Variants in XIRP2 observed in about 807,000 individuals in gnomAD.
The protein encoded by XIRP2 is xin actin-binding repeat-containing protein 2.
A neutral mutation model predicts 277.0 loss-of-function variants in XIRP2; 236 were observed. The ratio of observed to expected loss-of-function variants is 0.85; its 90% CI spans 0.77 to 0.95. XIRP2 has a LOEUF of 0.95. Ranked by LOEUF, XIRP2 falls within the 40% of genes least tolerant of loss-of-function variation. The probability of loss-of-function intolerance (pLI) is 0.00; values close to 1 mark genes in which losing one functional copy is unlikely to be tolerated. For synonymous variants in XIRP2, 1,490 were observed against 1,416.5 expected, an observed-to-expected ratio of 1.05 and a Z score of -1.17; for missense variants, 4,640 against 4,157.5, an observed-to-expected ratio of 1.12 and a Z score of -3.19.
chr2:167,257,399 C>G (rs1266024696), intron 10 of XIRP2, among the ~76,000 whole-genome samples: 1 of 151,948 alleles, frequency 6.6e-6, no homozygotes, highest in Non-Finnish European at 1.5e-5. Flanking sequence ...TTTTAAATCA[C>G]TCAATTTGTT....
Position 167,239,862 on chromosome 2 carries a change from T to C in XIRP2, c.866T>C (p.Ile289Thr), listed in dbSNP as rs779591981. ...QHQNRSEQEA[I>T]HSSQVGTSRS... The stretch of plus-strand genomic sequence containing the variant: ...CTGTCTGTGTGCTTTCAGGAGGCAA[T>C]TCATAGCAGCCAGGTTGGCACTTCA... Residue 289 changes from isoleucine to threonine, a missense_variant, in exon 6 of 11, where the codon ATT becomes ACT. Physicochemically the swap from Ile to Thr is moderately conservative, Grantham distance 89. Coordinates refer to ENST00000409195, the MANE Select transcript of XIRP2 (RefSeq NM_152381.6). 2.5e-6 allele frequency: 4 copies of C among 1,607,702 alleles called. No individual in the cohort carries two copies. Among genetic ancestry groups the C allele is most frequent in the Admixed American group, 3.4e-5 (2 of 58,688 alleles).
rs750028162 is a variant in XIRP2 at position 167,248,738 on chromosome 2, C to A, written c.7346C>A (p.Ser2449Tyr). The change falls in exon 9 of 11, where the codon TCC becomes TAC. Residue 2449 changes from serine to tyrosine, a missense_variant. Ser to Tyr is a moderately radical substitution (Grantham distance 144). Coordinates refer to ENST00000409195, the MANE Select transcript of XIRP2 (RefSeq NM_152381.6). Reference sequence around the variant, plus strand: ...TCCCCCAAAGTTGAACTGGCAACCTCCCTGTCAGATATGGAATGTAAAATT... The same window carrying A: ...TCCCCCAAAGTTGAACTGGCAACCTACCTGTCAGATATGGAATGTAAAATT... ...DFSPKVELAT[S>Y]LSDMECKITT... is the part of the protein sequence containing the mutation. 6.2e-7 allele frequency: 1 copy of A among 1,613,670 alleles called. No individual in the cohort carries two copies. Among genetic ancestry groups the A allele is most frequent in the South Asian group, 1.1e-5 (1 of 91,062 alleles).
Position 167,247,027 on chromosome 2 carries a change from A to C in XIRP2, c.5635A>C (p.Ser1879Arg), listed in dbSNP as rs748374033. ...CACACTCAAGTCACTTAAAGAATCAAGCCATCGATGGAAAGAATCTAAACA... is the reference window on the plus strand; with the variant it reads ...CACACTCAAGTCACTTAAAGAATCACGCCATCGATGGAAAGAATCTAAACA... ...LATLKSLKES[S>R]HRWKESKQPD... The change falls in exon 9 of 11, where the codon AGC becomes CGC. Residue 1879 changes from serine (S) to arginine (R), a missense_variant. By Grantham distance (110) the Ser-to-Arg change is moderately radical. Transcript: ENST00000409195. 6.2e-7 allele frequency: 1 copy of C among 1,613,538 alleles called. No homozygotes were observed. Among genetic ancestry groups the C allele is most frequent in the Non-Finnish European group, 8.5e-7 (1 of 1,179,728 alleles).
Position 167,244,719 on chromosome 2 carries a change from A to G in XIRP2, c.3327A>G (p.Lys1109=). Residue 1109 remains lysine (K), a synonymous_variant, in exon 9 of 11, where the codon AAA becomes AAG. Coordinates refer to ENST00000409195, the MANE Select transcript of XIRP2 (RefSeq NM_152381.6). ...AGCCAATGGAGTCTCTTTATGAAAAAGTTTCGTTAATGACCAGCAGTGAAG... is the reference window on the plus strand; with the variant it reads ...AGCCAATGGAGTCTCTTTATGAAAAGGTTTCGTTAATGACCAGCAGTGAAG... ...ETQPMESLYE[K]VSLMTSSEEI... is the part of the protein sequence containing the mutation. 6.2e-7 allele frequency: 1 copy of G among 1,613,130 alleles called. No homozygotes were observed. The highest frequency in any genetic ancestry group is 8.5e-7 in the Non-Finnish European group (1 of 1,179,646).
intron 3 of XIRP2, among the ~76,000 whole-genome samples, chr2:167,156,128 C>T (rs1692189864): frequency 6.6e-6 from 1 of 151,796 alleles, no homozygotes; most frequent in Non-Finnish European, 1.5e-5. Context: ...ACATTCCATG[C>T]TCATGGGTAG....
rs571031728 is a variant in XIRP2, at chr2:166,941,222, A to G, written c.408+37332A>G. On this transcript the variant is annotated intron_variant, in intron 2 of 10. Coordinates refer to ENST00000409195, the MANE Select transcript of XIRP2 (RefSeq NM_152381.6). Reference sequence around the variant, plus strand: ...CTGTGCGAGCAATGAGTGAGGCTTCATGACTGTGGGACTGTCCAAGCCATG... The same window carrying G: ...CTGTGCGAGCAATGAGTGAGGCTTCGTGACTGTGGGACTGTCCAAGCCATG... Among the ~76,000 whole-genome samples, 30 of 152,260 alleles carry G rather than the reference A, an allele frequency of 2.0e-4. No individual in the cohort carries two copies. The South Asian group carries it at 6.0e-3, about 30-fold the overall frequency.
rs182529381 is a variant in XIRP2, at chr2:167,181,371, C to T, written c.563-29364C>T. ...GTATGTCATCCAAAACTGTGATTCACGTTTGTTGCTCACAAAGATAACCAC... is the reference window on the plus strand; with the variant it reads ...GTATGTCATCCAAAACTGTGATTCATGTTTGTTGCTCACAAAGATAACCAC... On this transcript the variant is annotated intron_variant, in intron 3 of 10. Transcript: ENST00000409195. 5.6e-4 allele frequency among the ~76,000 whole-genome samples: 86 copies of T among 152,270 alleles called. 1 individual carries two copies. Among genetic ancestry groups the T allele is most frequent in the Admixed American group, 1.4e-3 (21 of 15,302 alleles).
chr2:167,200,062 T>C (rs949232500), intron 3 of XIRP2, among the ~76,000 whole-genome samples: 5 of 152,160 alleles, frequency 3.3e-5, no homozygotes, highest in Non-Finnish European at 5.9e-5. Context: ...CTAGTTTAAA[T>C]AGAATGAGTA....
At chr2:167,016,849 G>A (rs1278889641) in intron 2 of XIRP2, among the ~76,000 whole-genome samples, 1 of 151,920 alleles carries the variant, frequency 6.6e-6, no homozygotes, top group African/African-American at 2.4e-5. Context: ...TTAAGACAAA[G>A]TCACCATTAA....
chr2:166,941,593 T>C (rs1511200), intron 2 of XIRP2, among the ~76,000 whole-genome samples: 52,880 of 152,082 alleles, frequency 0.35, 9,745 homozygotes, highest in East Asian at 0.53. Flanking sequence ...GAACCGCCCC[T>C]GCCAGCCTAT....
chr2:167,252,754 GT>G (rs1695552128), intron 9 of XIRP2, among the ~76,000 whole-genome samples: 1 of 151,816 alleles, frequency 6.6e-6, no homozygotes, highest in African/African-American at 2.4e-5. Flanking sequence ...TATAATTAAT[GT>G]GCATCATTAG....
intron 2 of XIRP2, among the ~76,000 whole-genome samples, chr2:167,072,219 G>A (rs1689454636): frequency 6.6e-6 from 1 of 152,128 alleles, no homozygotes; most frequent in Non-Finnish European, 1.5e-5. Context: ...CCTGTATACA[G>A]AAAGTAACAT....
chr2:166,965,690 C>T (rs1236741896), intron 2 of XIRP2, among the ~76,000 whole-genome samples: 1 of 151,768 alleles, frequency 6.6e-6, no homozygotes, highest in Non-Finnish European at 1.5e-5. Flanking sequence ...CTCAAGCAAT[C>T]CTTCCACCTC....
At chr2:167,022,747 A>C (rs1024918026) in intron 2 of XIRP2, among the ~76,000 whole-genome samples, 1 of 151,890 alleles carries the variant, frequency 6.6e-6, no homozygotes, top group Non-Finnish European at 1.5e-5. Context: ...ATGCTTTCCA[A>C]TTTCATCCAT....
intron 2 of XIRP2, among the ~76,000 whole-genome samples, chr2:166,910,300 A>G (rs1289862028): frequency 1.3e-5 from 2 of 152,064 alleles, no homozygotes; most frequent in Non-Finnish European, 2.9e-5. Flanking sequence ...GCCAGTTATT[A>G]GTCTATTCAG....
intron 3 of XIRP2, chr2:167,187,295 G>T (rs948180758): frequency 3.0e-6 from 3 of 985,220 alleles, no homozygotes; most frequent in Admixed American, 6.2e-5. Flanking sequence ...ACAGAGCTCA[G>T]TTCCTAAAAA....
intron 2 of XIRP2, among the ~76,000 whole-genome samples, chr2:166,986,505 T>C (rs992562075): frequency 7.9e-5 from 12 of 152,242 alleles, no homozygotes; most frequent in African/African-American, 2.7e-4. Flanking sequence ...GTTAGGTATA[T>C]GTCAAAAGTG....
At chr2:166,981,074 T>C (rs1686855124) in intron 2 of XIRP2, among the ~76,000 whole-genome samples, 1 of 152,128 alleles carries the variant, frequency 6.6e-6, no homozygotes, top group South Asian at 2.1e-4. Context: ...TTGCAGTATA[T>C]GTTATATTTA....
intron 2 of XIRP2, among the ~76,000 whole-genome samples, chr2:166,929,777 T>C (rs1685279975): frequency 6.6e-6 from 1 of 152,138 alleles, no homozygotes; most frequent in African/African-American, 2.4e-5. Context: ...GAGATGTGCT[T>C]GTTTGTTTCC....
Sources: gnomAD v4.1 joint callset for allele counts (sites outside exome capture counted in the v4.1 genomes callset) on GRCh38, gnomAD v4.1.1 for gene constraint, MANE v1.5 for transcripts, NCBI Gene and HGNC (gene_info 2026-07-23, HGNC 2026-07-21) for gene names.